Variants in CNTN4 observed in about 807,000 individuals in gnomAD.
CNTN4 encodes contactin 4, also known as contactin-4.
In CNTN4, 77 loss-of-function variants were observed where a neutral mutation model predicts 122.5. That is an observed-to-expected ratio of 0.63 (90% CI 0.52 to 0.76). CNTN4 has a LOEUF of 0.76. CNTN4 is among the 30% of genes least tolerant of loss of function. The pLI, the probability that CNTN4 is intolerant of heterozygous loss-of-function variation, is 0.00. For missense variants in CNTN4, 1,256 were observed against 1,259.1 expected, an observed-to-expected ratio of 1.00 and a Z score of 0.04; for synonymous variants, 512 against 447.0, an observed-to-expected ratio of 1.15 and a Z score of -1.83.
intron 3 of CNTN4, among the ~76,000 whole-genome samples, chr3:2,467,246 T>C (rs1453443741): frequency 6.6e-6 from 1 of 151,738 alleles, no homozygotes; most frequent in Non-Finnish European, 1.5e-5. Context: ...TGCTAATACA[T>C]TTACTTTCTG....
chr3:2,584,864 A>G (rs1439106487), intron 4 of CNTN4, among the ~76,000 whole-genome samples: 1 of 152,034 alleles, frequency 6.6e-6, no homozygotes, highest in African/African-American at 2.4e-5. Flanking sequence ...CTTGTTCTCT[A>G]CAGTGGTAGG....
intron 13 of CNTN4, among the ~76,000 whole-genome samples, chr3:2,931,939 C>T (rs1431030318): frequency 6.6e-6 from 1 of 152,182 alleles, no homozygotes; most frequent in Non-Finnish European, 1.5e-5. Flanking sequence ...GAAGCCACCA[C>T]ACCTTGCCCA....
At chr3:2,990,233 G>A (rs753099252) in intron 14 of CNTN4, among the ~76,000 whole-genome samples, 6 of 152,208 alleles carry the variant, frequency 3.9e-5, no homozygotes, top group Non-Finnish European at 7.3e-5. Context: ...GCGATTAACA[G>A]GGTGTCTGGC....
chr3:2,182,466 T>G (rs948046816), intron 2 of CNTN4, among the ~76,000 whole-genome samples: 3 of 151,890 alleles, frequency 2.0e-5, no homozygotes, highest in African/African-American at 7.2e-5. Context: ...AATTCCAAGT[T>G]AAGTCTTTTC....
At chr3:2,387,885 A>C (rs1216975937) in intron 3 of CNTN4, among the ~76,000 whole-genome samples, 2 of 152,188 alleles carry the variant, frequency 1.3e-5, no homozygotes, top group African/African-American at 4.8e-5. Context: ...GTGTGAATCA[A>C]ATTGATTTTA....
At chr3:2,262,911 T>C (rs2040892100) in intron 2 of CNTN4, among the ~76,000 whole-genome samples, 2 of 152,252 alleles carry the variant, frequency 1.3e-5, no homozygotes, top group African/African-American at 4.8e-5. Context: ...GTCCTCATGA[T>C]TGCAGATGGA....
At chr3:3,013,644 C>A (rs1042255664) in intron 14 of CNTN4, among the ~76,000 whole-genome samples, 1 of 151,312 alleles carries the variant, frequency 6.6e-6, no homozygotes, top group Non-Finnish European at 1.5e-5. Flanking sequence ...TAACTAAATG[C>A]AAGATAACCT....
At chr3:2,360,340 T>G (rs1224543244) in intron 3 of CNTN4, among the ~76,000 whole-genome samples, 1 of 152,186 alleles carries the variant, frequency 6.6e-6, no homozygotes, top group African/African-American at 2.4e-5. Flanking sequence ...GTTTCTGGAA[T>G]CCTTAGGGTT....
chr3:2,110,156 G>T (rs2032829439), intron 2 of CNTN4, among the ~76,000 whole-genome samples: 1 of 152,202 alleles, frequency 6.6e-6, no homozygotes, highest in African/African-American at 2.4e-5. Flanking sequence ...TAGAGTATGG[G>T]CCTTGGAATC....
Position 3,037,325 on chromosome 3 carries a change from G to A in CNTN4, c.2089G>A (p.Ala697Thr). ...CTCAGAGAAACGGAGAACAGAAGAA[G>A]CTCGTGAGTAGCACCCGAGATTCAG... ...RPSEKRRTEE[A>T]LPEVTPANVS... Residue 697 changes from alanine (A) to threonine (T), a missense_variant, in exon 18 of 25, where the codon GCT becomes ACT. Transcript: ENST00000418658. 3 of 1,614,210 alleles carry A rather than the reference G, an allele frequency of 1.9e-6. No homozygotes were observed. Among genetic ancestry groups the A allele is most frequent in the Non-Finnish European group, 2.5e-6 (3 of 1,180,038 alleles).
At chr3:2,107,331 A>G (rs1468170744) in intron 2 of CNTN4, among the ~76,000 whole-genome samples, 3 of 152,202 alleles carry the variant, frequency 2.0e-5, no homozygotes, top group African/African-American at 7.2e-5. Context: ...GAGAGGTTTA[A>G]TGGACTCACA....
intron 4 of CNTN4, among the ~76,000 whole-genome samples, chr3:2,596,560 G>C (rs1329080147): frequency 2.0e-5 from 3 of 151,882 alleles, no homozygotes; most frequent in Non-Finnish European, 4.4e-5. Context: ...ATATATAATA[G>C]ATAATATATA....
intron 3 of CNTN4, among the ~76,000 whole-genome samples, chr3:2,347,847 G>T (rs549718033): frequency 6.7e-6 from 1 of 148,336 alleles, no homozygotes; most frequent in East Asian, 2.0e-4. Context: ...GCTCTTTTTG[G>T]TTTATCTTTT....
chr3:2,921,872 A>G (rs1204852043), intron 12 of CNTN4, among the ~76,000 whole-genome samples: 1 of 152,166 alleles, frequency 6.6e-6, no homozygotes, highest in Non-Finnish European at 1.5e-5. Flanking sequence ...CCCTTGATAT[A>G]TGACCAAAAT....
At chr3:2,279,417 G>C (rs552230299) in intron 2 of CNTN4, among the ~76,000 whole-genome samples, 1 of 152,236 alleles carries the variant, frequency 6.6e-6, no homozygotes, top group Admixed American at 6.5e-5. Context: ...ACCAACATCA[G>C]ATCATTAGGA....
chr3:2,118,886 A>G (rs2033544902), intron 2 of CNTN4, among the ~76,000 whole-genome samples: 1 of 152,200 alleles, frequency 6.6e-6, no homozygotes, highest in South Asian at 2.1e-4. Context: ...TTTCAGTTGC[A>G]TGTCTTTCAT....
intron 2 of CNTN4, among the ~76,000 whole-genome samples, chr3:2,302,362 A>C (rs142346719): frequency 0.014 from 2,140 of 152,268 alleles, 62 homozygotes; most frequent in African/African-American, 0.048. Context: ...CAGGAGGTGG[A>C]GTTTACAGTG....
At chr3:2,798,366 A>T (rs9864825) in intron 6 of CNTN4, among the ~76,000 whole-genome samples, 18,565 of 135,116 alleles carry the variant, frequency 0.14, 1,418 homozygotes, top group Non-Finnish European at 0.16. Context: ...TACACACATA[A>T]ATCTATCTAT....
chr3:2,300,870 A>G (rs1200418876), intron 2 of CNTN4, among the ~76,000 whole-genome samples: 1 of 152,016 alleles, frequency 6.6e-6, no homozygotes, highest in African/African-American at 2.4e-5. Context: ...TGCCTGGCCG[A>G]TCCTTCTTTA....
Sources: gnomAD v4.1 joint callset for allele counts (sites outside exome capture counted in the v4.1 genomes callset) on GRCh38, gnomAD v4.1.1 for gene constraint, MANE v1.5 for transcripts, NCBI Gene and HGNC (gene_info 2026-07-23, HGNC 2026-07-21) for gene names.